The following CENPI variants were observed in gnomAD, a reference collection of about 807,000 sequenced individuals.
CENPI encodes centromere protein I.
Under a neutral mutation model 60.4 loss-of-function variants are expected in CENPI, and 4 were observed. That is an observed-to-expected ratio of 0.07 (90% confidence interval 0.03 to 0.15). The LOEUF (loss-of-function observed/expected upper bound fraction) is 0.15, where lower values mean the gene tolerates loss of function less well. CENPI is among the 10% of genes least tolerant of loss of function. The pLI, the probability that CENPI is intolerant of heterozygous loss-of-function variation, is 1.00. For missense variants in CENPI, 444 were observed against 534.5 expected (o/e 0.83, Z 1.67); for synonymous variants, 157 against 189.4 (o/e 0.83, Z 1.40).
At chrX:101,114,294 T>C (rs2089591697) in intron 6 of CENPI, among the ~76,000 whole-genome samples, 1 of 111,964 alleles carries the variant, frequency 8.9e-6, no homozygotes, top group South Asian at 3.7e-4. Flanking sequence ...CAAACACAGC[T>C]TTATTGAGAT....
chrX:101,108,848 T>C (rs1204382068), intron 4 of CENPI, among the ~76,000 whole-genome samples: 1 of 109,660 alleles, frequency 9.1e-6, no homozygotes, highest in Non-Finnish European at 1.9e-5. Context: ...GGTTTTGTCA[T>C]GTTGCCCAGG....
Position 101,120,381 on chromosome X carries a change from TA to T in CENPI, c.592-20del, listed in dbSNP as rs56066672. On this transcript the variant is annotated intron_variant, in intron 6 of 21. Transcript: ENST00000682095. Reference sequence around the variant, plus strand: ...CAAGACATATTATCATTTCTCTTAATATTTTTTTATGTTTTAACAGTGCCCT... The same window carrying T: ...CAAGACATATTATCATTTCTCTTAATTTTTTTTATGTTTTAACAGTGCCCT... 0.26 allele frequency: 201,170 copies of T among 782,276 alleles called. 18,183 individuals are homozygous for T. Among genetic ancestry groups the T allele is most frequent in the South Asian group, 0.34 (15,007 of 44,244 alleles). The allele number at this position is 782,276 out of a possible 1,213,427, so 64.5% of individuals were successfully genotyped here. A position where few individuals can be genotyped will look rare whatever the true frequency, so the allele number is the denominator to read the frequency against.
chrX:101,102,029 A>G (rs891057783), intron 3 of CENPI, among the ~76,000 whole-genome samples: 5 of 111,857 alleles, frequency 4.5e-5, no homozygotes, highest in African/African-American at 1.6e-4. Context: ...GCGTGCCAGC[A>G]TGCCCAGCTA....
At chrX:101,099,046 T>TTTTCTTTC (rs3842469) in intron 2 of CENPI, among the ~76,000 whole-genome samples, 21,406 of 108,151 alleles carry the variant, frequency 0.2, 1,814 homozygotes, top group East Asian at 0.27. Context: ...TTCTTTTCTC[T>TTTTCTTTC]TTTCTTTCTT....
At chrX:101,173,794 A>T in the CENPI span, among the ~76,000 whole-genome samples, 1 of 110,638 alleles carries the variant, frequency 9.0e-6, no homozygotes, top group East Asian at 2.8e-4. Flanking sequence ...CAAAAATTGA[A>T]TCTTATAAAA....
intron 13 of CENPI, among the ~76,000 whole-genome samples, chrX:101,130,319 A>G (rs2089783068): frequency 9.0e-6 from 1 of 111,244 alleles, no homozygotes; most frequent in South Asian, 3.8e-4. Flanking sequence ...CTGTAGTCCC[A>G]GCTACTCAGG....
At chrX:101,106,892 C>T (rs1393553693) in intron 4 of CENPI, among the ~76,000 whole-genome samples, 1 of 109,029 alleles carries the variant, frequency 9.2e-6, no homozygotes, top group Non-Finnish European at 1.9e-5. Flanking sequence ...GAGACCTTGT[C>T]TTTGCTAAAA....
intron 15 of CENPI, among the ~76,000 whole-genome samples, chrX:101,137,725 T>G (rs1381807823): frequency 9.2e-6 from 1 of 108,379 alleles, no homozygotes; most frequent in Non-Finnish European, 1.9e-5. Context: ...ATTTTCTGGT[T>G]CCCTTCCAAT....
chrX:101,124,731 C>T (rs755131710), intron 8 of CENPI, among the ~76,000 whole-genome samples: 28 of 111,757 alleles, frequency 2.5e-4, no homozygotes, highest in Non-Finnish European at 4.0e-4. Flanking sequence ...GCTTCCCCTT[C>T]GCCCAGCTCT....
chrX:101,113,416 C>A (rs1479939428), intron 6 of CENPI, among the ~76,000 whole-genome samples: 1 of 107,825 alleles, frequency 9.3e-6, no homozygotes, highest in Non-Finnish European at 1.9e-5. Flanking sequence ...CAGCCTCTGT[C>A]TCCTGGGTTC....
At chrX:101,113,279 C>G (rs761552176) in intron 6 of CENPI, among the ~76,000 whole-genome samples, 1 of 77,424 alleles carries the variant, frequency 1.3e-5, no homozygotes, top group Non-Finnish European at 2.5e-5. Flanking sequence ...TTCTCCATCC[C>G]TTTACACACA....
chrX:101,180,311 A>AT, the CENPI span, among the ~76,000 whole-genome samples: 1 of 109,867 alleles, frequency 9.1e-6, no homozygotes, highest in East Asian at 2.9e-4. Flanking sequence ...TAATTTTTTT[A>AT]TTTTTTGTAG....
intron 20 of CENPI, among the ~76,000 whole-genome samples, chrX:101,152,718 G>A (rs968852075): frequency 2.7e-4 from 30 of 110,845 alleles, no homozygotes; most frequent in African/African-American, 9.5e-4. Context: ...CTTTCACTTA[G>A]CATAATGTTT....
At chrX:101,173,061 G>T in the CENPI span, among the ~76,000 whole-genome samples, 3 of 90,789 alleles carry the variant, frequency 3.3e-5, no homozygotes, top group African/African-American at 1.3e-4. Context: ...CTGTTGCCAG[G>T]CTGGAGTGCA....
At chrX:101,140,898 A>C (rs2089909712) in intron 16 of CENPI, 138 bp downstream of exon 16, 3 of 430,717 alleles carry the variant, frequency 7.0e-6, no homozygotes, top group East Asian at 3.9e-5. Context: ...GTGACTTTTC[A>C]CTCTTCTTCC....
At chrX:101,107,761 C>T (rs1214379985) in intron 4 of CENPI, among the ~76,000 whole-genome samples, 2 of 105,606 alleles carry the variant, frequency 1.9e-5, no homozygotes, top group African/African-American at 6.9e-5. Flanking sequence ...CTCTGCCTCC[C>T]GGGTTCCAGT....
chrX:101,108,771 G>A (rs2089516485), intron 4 of CENPI, among the ~76,000 whole-genome samples: 1 of 108,016 alleles, frequency 9.3e-6, no homozygotes, highest in African/African-American at 3.4e-5. Flanking sequence ...TCAGCCTCCC[G>A]AGTTGCTGTG....
At chrX:101,159,001 C>T (rs2090080324) in intron 20 of CENPI, among the ~76,000 whole-genome samples, 1 of 110,805 alleles carries the variant, frequency 9.0e-6, no homozygotes, top group Admixed American at 9.6e-5. Context: ...AACAGGAACA[C>T]CAATTAGGTG....
the CENPI span, among the ~76,000 whole-genome samples, chrX:101,173,011 ATTTTTTTT>A: frequency 1.5e-5 from 1 of 68,693 alleles, no homozygotes; most frequent in Non-Finnish European, 2.6e-5. Context: ...AGTTGTAGGA[ATTTTTTTT>A]TTTTTTTTTT....
Sources: gnomAD v4.1 joint callset for allele counts (sites outside exome capture counted in the v4.1 genomes callset) on GRCh38, gnomAD v4.1.1 for gene constraint, MANE v1.5 for transcripts, NCBI Gene and HGNC (gene_info 2026-07-23, HGNC 2026-07-21) for gene names.